B4GALT6: variants seen among roughly 807,000 people sequenced by gnomAD.
B4GALT6 encodes UDP-Gal:beta-GlcNAc beta-1,4-galactosyltransferase 6.
In B4GALT6, 14 loss-of-function variants were observed where a neutral mutation model predicts 46.3. That is an observed-to-expected ratio of 0.30 (90% CI 0.20 to 0.47). The LOEUF is 0.47. B4GALT6 is among the 20% of genes least tolerant of loss of function. B4GALT6 has a pLI of 0.99. For synonymous variants in B4GALT6, 168 were observed against 162.0 expected (o/e 1.04, Z -0.28); for missense variants, 386 against 480.1 (o/e 0.80, Z 1.83).
intron 3 of B4GALT6, among the ~76,000 whole-genome samples, chr18:31,655,650 G>A (rs952803273): frequency 2.6e-5 from 4 of 152,036 alleles, no homozygotes; most frequent in African/African-American, 9.7e-5. Context: ...AAAGAAAATG[G>A]CAACTAAACC....
At chr18:31,680,252 G>A (rs983328588) in intron 1 of B4GALT6, among the ~76,000 whole-genome samples, 10 of 152,184 alleles carry the variant, frequency 6.6e-5, no homozygotes, top group African/African-American at 2.4e-4. Flanking sequence ...CCACTTGCCA[G>A]GGCCAGGAGG....
intron 2 of B4GALT6, among the ~76,000 whole-genome samples, chr18:31,664,096 A>G (rs907581021): frequency 2.0e-5 from 3 of 152,210 alleles, no homozygotes; most frequent in African/African-American, 4.8e-5. Flanking sequence ...AAGGCTCCAG[A>G]AAAGAGGTAC....
intron 2 of B4GALT6, among the ~76,000 whole-genome samples, chr18:31,664,753 T>G (rs1360186969): frequency 6.6e-6 from 1 of 152,214 alleles, no homozygotes; most frequent in Non-Finnish European, 1.5e-5. Flanking sequence ...TACAATCAAC[T>G]TATTCAACCA....
At chr18:31,669,642 G>T (rs1416503644) in intron 1 of B4GALT6, among the ~76,000 whole-genome samples, 2 of 151,926 alleles carry the variant, frequency 1.3e-5, no homozygotes, top group Non-Finnish European at 2.9e-5. Context: ...AAAACTAAAA[G>T]AACAGCCAAC....
At chr18:31,704,934 A>G in the B4GALT6 span, among the ~76,000 whole-genome samples, 1 of 152,214 alleles carries the variant, frequency 6.6e-6, no homozygotes, top group African/African-American at 2.4e-5. Flanking sequence ...TTTTTGAGGT[A>G]ACTAGATTAA....
the B4GALT6 span, among the ~76,000 whole-genome samples, chr18:31,699,273 T>TA: frequency 1.8e-5 from 1 of 57,014 alleles, no homozygotes; most frequent in Admixed American, 1.9e-4. Context: ...TTTCTTTCTT[T>TA]CTTTTTTTTT....
At chr18:31,665,286 G>A (rs1036592442) in intron 2 of B4GALT6, among the ~76,000 whole-genome samples, 1 of 152,200 alleles carries the variant, frequency 6.6e-6, no homozygotes, top group African/African-American at 2.4e-5. Context: ...TACCCTGGCA[G>A]ACACTGTGGC....
the B4GALT6 span, among the ~76,000 whole-genome samples, chr18:31,713,145 G>C: frequency 6.6e-6 from 1 of 152,106 alleles, no homozygotes; most frequent in African/African-American, 2.4e-5. Flanking sequence ...TTGAGCCTGG[G>C]AGTTCAAGAC....
intron 6 of B4GALT6, among the ~76,000 whole-genome samples, chr18:31,627,954 C>T (rs1296450874): frequency 6.6e-6 from 1 of 152,192 alleles, no homozygotes; most frequent in Non-Finnish European, 1.5e-5. Context: ...CCATGCACAG[C>T]ACCCAAAAAT....
At chr18:31,684,699 G>A (rs2074524235), upstream of B4GALT6, 14 of 1,150,240 alleles carry the variant, frequency 1.2e-5, no homozygotes, top group South Asian at 2.5e-5. Context: ...AGGGGCCCGG[G>A]GACGGCAGGA....
chr18:31,642,201 G>A (rs1258673275), intron 4 of B4GALT6, among the ~76,000 whole-genome samples: 1 of 152,116 alleles, frequency 6.6e-6, no homozygotes, highest in Non-Finnish European at 1.5e-5. Context: ...TTTAGAGATG[G>A]GGGTCTCATT....
chr18:31,722,713 C>T, the B4GALT6 span, among the ~76,000 whole-genome samples: 3 of 152,052 alleles, frequency 2.0e-5, no homozygotes, highest in Admixed American at 2.0e-4. Context: ...ACAGTGGTTC[C>T]GGTAATGTTG....
chr18:31,713,593 C>T, the B4GALT6 span, among the ~76,000 whole-genome samples: 1 of 152,168 alleles, frequency 6.6e-6, no homozygotes, highest in Non-Finnish European at 1.5e-5. Context: ...GAAGCCTCTG[C>T]CTTCCTGTAC....
intron 5 of B4GALT6, 139 bp from the exon 6 acceptor site, chr18:31,631,285 C>T: frequency 1.1e-6 from 1 of 875,880 alleles, no homozygotes; most frequent in Non-Finnish European, 1.6e-6. Flanking sequence ...AACTACTGAC[C>T]TCGTGATCCA....
the B4GALT6 span, among the ~76,000 whole-genome samples, chr18:31,722,682 T>A: frequency 1.3e-5 from 2 of 152,276 alleles, no homozygotes; most frequent in Non-Finnish European, 2.9e-5. Flanking sequence ...CTCTGCCTAC[T>A]TGCCTTCATT....
chr18:31,676,205 G>A (rs1598929751), intron 1 of B4GALT6, among the ~76,000 whole-genome samples: 1 of 152,018 alleles, frequency 6.6e-6, no homozygotes, highest in Non-Finnish European at 1.5e-5. Context: ...GGCAATACAC[G>A]TAACAAGATT....
At chr18:31,709,603 G>GTATATA in the B4GALT6 span, among the ~76,000 whole-genome samples, 2 of 135,480 alleles carry the variant, frequency 1.5e-5, no homozygotes, top group Admixed American at 7.5e-5. Flanking sequence ...GTGTGTGTGT[G>GTATATA]TATATATATA....
At chr18:31,700,638 A>C in the B4GALT6 span, among the ~76,000 whole-genome samples, 68,679 of 151,724 alleles carry the variant, frequency 0.45, 18,186 homozygotes, top group South Asian at 0.68. Flanking sequence ...TTGTATTTTT[A>C]ATAGAGATGG....
At chr18:31,681,958 A>C (rs1431551805) in intron 1 of B4GALT6, among the ~76,000 whole-genome samples, 1 of 152,248 alleles carries the variant, frequency 6.6e-6, no homozygotes, top group Non-Finnish European at 1.5e-5. Flanking sequence ...AAAAATCCAC[A>C]TACATCGAAT....
Sources: allele counts gnomAD v4.1 joint callset (sites outside exome capture counted in the v4.1 genomes callset), GRCh38; gene constraint gnomAD v4.1.1; transcripts MANE v1.5; gene names NCBI Gene and HGNC (gene_info 2026-07-23, HGNC 2026-07-21).